Variants in RCSD1 observed in about 807,000 individuals in gnomAD.
The protein encoded by RCSD1 is RCSD domain containing 1, also known as capZ-interacting protein.
RCSD1 carries 26 observed loss-of-function variants against 42.5 expected under a neutral mutation model. That is an observed-to-expected ratio of 0.61 (90% CI 0.45 to 0.85). The LOEUF (loss-of-function observed/expected upper bound fraction) is 0.85, where lower values mean the gene tolerates loss of function less well. Ranked by LOEUF, RCSD1 falls within the 40% of genes least tolerant of loss-of-function variation. RCSD1 has a pLI of 0.00. For missense variants in RCSD1, 571 were observed against 528.3 expected (o/e 1.08, Z -0.79); for synonymous variants, 220 against 212.2 (o/e 1.04, Z -0.32).
rs369057322 is a variant in RCSD1, at chr1:167,694,176, G to T, written c.348G>T (p.Ser116=). 1.9e-6 allele frequency: 3 copies of T among 1,614,134 alleles called. No homozygotes were observed. Among genetic ancestry groups the T allele is most frequent in the East Asian group, 4.5e-5 (2 of 44,870 alleles). Residue 116 remains serine (S), a synonymous_variant, in exon 5 of 7, where the codon TCG becomes TCT. Transcript: ENST00000367854. ...GTCCTGGACTCAAGGCTATGGTGTC[G>T]CCATTTCACAGCCCACCTTCTACCC... ...PKSPGLKAMV[S]PFHSPPSTPS...
intron 1 of RCSD1, among the ~76,000 whole-genome samples, chr1:167,663,164 C>T (rs935955708): frequency 2.0e-5 from 3 of 152,208 alleles, no homozygotes; most frequent in Non-Finnish European, 4.4e-5. Flanking sequence ...CTTGTCTGCT[C>T]AGAGACTTAA....
intron 6 of RCSD1, 149 bp downstream of exon 6, chr1:167,697,991 G>A (rs1571108352): frequency 3.8e-6 from 4 of 1,051,060 alleles, no homozygotes; most frequent in East Asian, 3.0e-5. Context: ...CCAACTTGTT[G>A]GAGAAAGGCT....
intron 1 of RCSD1, among the ~76,000 whole-genome samples, chr1:167,654,165 G>A (rs12405112): frequency 0.016 from 2,372 of 152,302 alleles, 71 homozygotes; most frequent in African/African-American, 0.051. Flanking sequence ...GGCCATTATT[G>A]AGGAAGTGTT....
chr1:167,683,166 C>T (rs965651973), intron 1 of RCSD1, among the ~76,000 whole-genome samples: 15 of 152,168 alleles, frequency 9.9e-5, no homozygotes, highest in East Asian at 3.9e-4. Context: ...CAAGACTCAC[C>T]GCCAGTAACA....
chr1:167,658,692 A>ATC (rs1325266056), intron 1 of RCSD1, among the ~76,000 whole-genome samples: 9 of 152,026 alleles, frequency 5.9e-5, no homozygotes, highest in Non-Finnish European at 5.9e-5. Context: ...CGGCCTCCCA[A>ATC]AGTGCTGGGA....
chr1:167,704,644 C>A lies in RCSD1; in HGVS notation c.1219-20C>A, dbSNP rs147583835. 159 of 1,610,058 alleles carry A rather than the reference C, an allele frequency of 9.9e-5. No homozygotes were observed. In the East Asian group the frequency reaches 3.2e-3, roughly 33 times the overall value. ...TTCCTCACCATTTTCCTAATTAATT[C>A]TTTCCTCCCCTGTTCACAGGATGAC... On this transcript the variant is annotated intron_variant, in intron 6 of 6. Coordinates refer to ENST00000367854, the MANE Select transcript of RCSD1 (RefSeq NM_052862.4).
intron 2 of RCSD1, among the ~76,000 whole-genome samples, chr1:167,684,595 C>G (rs1659175935): frequency 6.6e-6 from 1 of 151,934 alleles, no homozygotes; most frequent in Admixed American, 6.5e-5. Context: ...GATGAGGGGG[C>G]CGGGCACGGT....
chr1:167,700,564 T>C (rs942344964), intron 6 of RCSD1, among the ~76,000 whole-genome samples: 3 of 150,228 alleles, frequency 2.0e-5, no homozygotes, highest in Non-Finnish European at 3.0e-5. Context: ...GGCAGGAGAA[T>C]GGCGTGAACC....
intron 5 of RCSD1, among the ~76,000 whole-genome samples, chr1:167,696,455 C>CT (rs113725864): frequency 0.063 from 8,932 of 140,766 alleles, 669 homozygotes; most frequent in African/African-American, 0.19. Context: ...TAGACAATTT[C>CT]TTTTTTTTTT....
intron 1 of RCSD1, among the ~76,000 whole-genome samples, chr1:167,651,790 G>A (rs560249119): frequency 2.0e-5 from 3 of 152,144 alleles, no homozygotes; most frequent in Admixed American, 6.5e-5. Context: ...TACAGGGAAA[G>A]CATGGCAGGG....
chr1:167,673,699 C>G (rs7544710), intron 1 of RCSD1, among the ~76,000 whole-genome samples: 21,484 of 152,226 alleles, frequency 0.14, 1,884 homozygotes, highest in African/African-American at 0.25. Flanking sequence ...CCACATCTTT[C>G]AATTTCTCTA....
At chr1:167,703,153 C>T (rs980283372) in intron 6 of RCSD1, among the ~76,000 whole-genome samples, 7 of 152,180 alleles carry the variant, frequency 4.6e-5, no homozygotes, top group African/African-American at 1.7e-4. Flanking sequence ...ACTGGCAGGT[C>T]AACAGACTCA....
chr1:167,696,427 T>G (rs376965443), intron 5 of RCSD1, among the ~76,000 whole-genome samples: 20 of 151,878 alleles, frequency 1.3e-4, no homozygotes, highest in East Asian at 7.7e-4. Flanking sequence ...TTTGAAGAAC[T>G]GGTTATTTAT....
At chr1:167,670,708 C>T (rs1232512139) in intron 1 of RCSD1, among the ~76,000 whole-genome samples, 1 of 152,154 alleles carries the variant, frequency 6.6e-6, no homozygotes, top group Non-Finnish European at 1.5e-5. Flanking sequence ...CTGAGCACTC[C>T]TCCAGTCCTG....
Position 167,630,261 on chromosome 1 carries a change from A to G in RCSD1, c.-163A>G, listed in dbSNP as rs1657660002. 2.5e-6 allele frequency: 1 copy of G among 400,396 alleles called. No individual in the cohort carries two copies. The highest frequency in any genetic ancestry group is 2.3e-5 in the African/African-American group (1 of 42,934). The allele number at this position is 400,396 out of a possible 1,614,324, so 24.8% of individuals were successfully genotyped here. On this transcript the variant is annotated 5_prime_UTR_variant, in exon 1 of 7. Transcript: ENST00000367854. ...CGCGCAGGGCCCCCGCGGCCGGGGC[A>G]GTCCCGCAGCCGAGCGCAGCCGGGC...
intron 4 of RCSD1, among the ~76,000 whole-genome samples, chr1:167,691,788 A>G (rs144981269): frequency 4.6e-5 from 7 of 152,294 alleles, no homozygotes; most frequent in Non-Finnish European, 1.0e-4. Flanking sequence ...CTGAAATTTA[A>G]TTCAAACTGA....
In RCSD1 at chr1:167,687,221, G is replaced by A. The variant is rs150916276; in HGVS notation, c.198+1711G>A. The stretch of plus-strand genomic sequence containing the variant: ...TACCTCCAGGGATCAATGACTTTTC[G>A]TGGCCTTGAAATTCACATAGAAGCA... On this transcript the variant is annotated intron_variant, in intron 3 of 6. Transcript: ENST00000367854. Among the ~76,000 whole-genome samples the A allele has an allele frequency of 2.6e-5, 4 of 152,294 alleles. No homozygotes were observed. In the East Asian group the frequency reaches 5.8e-4, roughly 22 times the overall value.
At chr1:167,690,218 G>A (rs529856191) in intron 4 of RCSD1, 98 bp downstream of exon 4, 12 of 1,067,874 alleles carry the variant, frequency 1.1e-5, no homozygotes, top group African/African-American at 7.9e-5. Flanking sequence ...TAGCCTATGT[G>A]TCACCTGCAT....
intron 1 of RCSD1, among the ~76,000 whole-genome samples, chr1:167,680,453 T>TTTGTTG (rs1659053665): frequency 8.2e-6 from 1 of 121,618 alleles, no homozygotes; most frequent in Non-Finnish European, 1.7e-5. Context: ...GAGCCCTGTT[T>TTTGTTG]TTGTTTTTGT....
Sources: allele counts gnomAD v4.1 joint callset (sites outside exome capture counted in the v4.1 genomes callset), GRCh38; gene constraint gnomAD v4.1.1; transcripts MANE v1.5; gene names NCBI Gene and HGNC (gene_info 2026-07-23, HGNC 2026-07-21).